The following SAMD10 variants were observed in gnomAD, a reference collection of about 807,000 sequenced individuals.
The protein encoded by SAMD10 is sterile alpha motif domain containing 10, also known as sterile alpha motif domain-containing protein 10.
SAMD10 carries 16 observed loss-of-function variants against 22.5 expected under a neutral mutation model. The ratio of observed to expected loss-of-function variants is 0.71; its 90% CI spans 0.48 to 1.08. The LOEUF (loss-of-function observed/expected upper bound fraction) is 1.08. Ranked by LOEUF, SAMD10 falls within the 50% of genes least tolerant of loss-of-function variation. SAMD10 has a pLI of 0.00. For missense variants in SAMD10, 227 were observed against 281.3 expected, an observed-to-expected ratio of 0.81 and a Z score of 1.38; for synonymous variants, 118 against 122.2, an observed-to-expected ratio of 0.97 and a Z score of 0.23.
Position 63,977,857 on chromosome 20 carries a change from T to C in SAMD10, c.92-451A>G, listed in dbSNP as rs188340944. Among the ~76,000 whole-genome samples the C allele has an allele frequency of 6.6e-6, 1 of 152,350 alleles. No homozygotes were observed. The highest frequency in any genetic ancestry group is 2.4e-5 in the African/African-American group (1 of 41,582). On this transcript the variant is annotated intron_variant, in intron 1 of 4. Coordinates refer to ENST00000369886, the MANE Select transcript of SAMD10 (RefSeq NM_080621.5). The surrounding 1 kb of genome is among the most constrained non-coding windows in gnomAD (Gnocchi z 5.4). ...AGATCCCGAGTCCGGGGAGGTCGTC[T>C]GTGCTGGGGAAACCGGGCTGAGGAT...
chr20:63,975,322 G>A lies in SAMD10; in HGVS notation c.*188C>T. 1.5e-6 allele frequency: 1 copy of A among 647,342 alleles called. No individual in the cohort carries two copies. The highest frequency in any genetic ancestry group is 2.6e-6 in the Non-Finnish European group (1 of 388,152). The allele number at this position is 647,342 out of a possible 1,614,324, so 40.1% of individuals were successfully genotyped here. A position where few individuals can be genotyped will look rare whatever the true frequency, so the allele number is the denominator to read the frequency against. The stretch of plus-strand genomic sequence containing the variant: ...CAGCCCCCTACCCACCCAGCCCCAG[G>A]GCACGACCTGGAATGTCCAACCAGA... On this transcript the variant is annotated 3_prime_UTR_variant, in exon 5 of 5. Transcript: ENST00000369886.
chr20:63,976,485 G>A (rs1027368164), intron 3 of SAMD10, among the ~76,000 whole-genome samples: 25 of 151,094 alleles, frequency 1.7e-4, no homozygotes, highest in African/African-American at 5.4e-4. Flanking sequence ...AGAGAGGTCC[G>A]GACGCAGTGG....
Position 63,975,321 on chromosome 20 carries a change from G to C in SAMD10, c.*189C>G. On this transcript the variant is annotated 3_prime_UTR_variant, in exon 5 of 5. Coordinates refer to ENST00000369886, the MANE Select transcript of SAMD10 (RefSeq NM_080621.5). The stretch of plus-strand genomic sequence containing the variant: ...GCAGCCCCCTACCCACCCAGCCCCA[G>C]GGCACGACCTGGAATGTCCAACCAG... 1.6e-6 allele frequency: 1 copy of C among 626,282 alleles called. No individual in the cohort carries two copies. The highest frequency in any genetic ancestry group is 2.7e-6 in the Non-Finnish European group (1 of 373,746). 38.8% of individuals were successfully genotyped at this position (626,282 alleles called of 1,614,324 possible).
intron 1 of SAMD10, among the ~76,000 whole-genome samples, chr20:63,978,543 G>A (rs1197537618): frequency 6.6e-6 from 1 of 152,186 alleles, no homozygotes; most frequent in African/African-American, 2.4e-5. Flanking sequence ...AGGGGTTGGG[G>A]ATGTGTCTAG....
rs2059007503 is a variant in SAMD10 at position 63,974,421 on chromosome 20, G to A, written c.*1089C>T. 6.5e-6 allele frequency: 1 copy of A among 152,758 alleles called. No homozygotes were observed. The highest frequency in any genetic ancestry group is 2.4e-5 in the African/African-American group (1 of 41,474). The allele number at this position is 152,758 out of a possible 1,614,324, so 9.5% of individuals were successfully genotyped here. The stretch of plus-strand genomic sequence containing the variant: ...TGCAGTGACCAGCCTCGAGTCTGGA[G>A]GCTCAAAGCACACAGAGGGGACTAG... On this transcript the variant is annotated 3_prime_UTR_variant, in exon 5 of 5. Transcript: ENST00000369886.
rs994272246 is a variant in SAMD10, at chr20:63,977,744, C to T, written c.92-338G>A. On this transcript the variant is annotated intron_variant, in intron 1 of 4. Coordinates refer to ENST00000369886, the MANE Select transcript of SAMD10 (RefSeq NM_080621.5). The surrounding 1 kb of genome is among the most constrained non-coding windows in gnomAD (Gnocchi z 5.4). ...AGGAGCTATCCTGGGACAGCCCTGACCTCACCCTTGCCTTGGGCTGGCCCA... is the reference window on the plus strand; with the variant it reads ...AGGAGCTATCCTGGGACAGCCCTGATCTCACCCTTGCCTTGGGCTGGCCCA... Among the ~76,000 whole-genome samples, 1 of 152,226 alleles carries T rather than the reference C, an allele frequency of 6.6e-6. No individual in the cohort carries two copies. The highest frequency in any genetic ancestry group is 2.4e-5 in the African/African-American group (1 of 41,456).
Position 63,977,815 on chromosome 20 carries a change from C to G in SAMD10, c.92-409G>C, listed in dbSNP as rs2059035455. 6.6e-6 allele frequency among the ~76,000 whole-genome samples: 1 copy of G among 152,254 alleles called. No homozygotes were observed. ...CCAGACCAGGAAGTGCACACACGGCCTGCTTTGAGGAAAGGCAGATCCCGA... is the reference window on the plus strand; with the variant it reads ...CCAGACCAGGAAGTGCACACACGGCGTGCTTTGAGGAAAGGCAGATCCCGA... On this transcript the variant is annotated intron_variant, in intron 1 of 4. Transcript: ENST00000369886. The surrounding 1 kb of genome is among the most constrained non-coding windows in gnomAD (Gnocchi z 5.4).
Position 63,979,532 on chromosome 20 carries a change from G to A in SAMD10, c.-65C>T. ...CGAGTGCAGGGCGGCCGGTGTGGCC[G>A]GCGGGGAACGCGCGCCGCCGCCCCG... On this transcript the variant is annotated 5_prime_UTR_variant, in exon 1 of 5. Coordinates refer to ENST00000369886, the MANE Select transcript of SAMD10 (RefSeq NM_080621.5). This position sits in a 1 kb window ranked among gnomAD's most constrained non-coding sequence, Gnocchi z 7.7. The A allele has an allele frequency of 9.5e-7, 1 of 1,055,400 alleles. No homozygotes were observed. Among genetic ancestry groups the A allele is most frequent in the Non-Finnish European group, 1.1e-6 (1 of 875,978 alleles). 65.4% of individuals were successfully genotyped at this position (1,055,400 alleles called of 1,614,324 possible).
At chr20:63,978,662 C>T (rs1315491118) in intron 1 of SAMD10, among the ~76,000 whole-genome samples, 2 of 152,246 alleles carry the variant, frequency 1.3e-5, no homozygotes, top group Non-Finnish European at 1.5e-5. Flanking sequence ...TTTCAGGAAC[C>T]GGACCCCTGG....
At chr20:63,978,075 G>A (rs1345744820) in intron 1 of SAMD10, among the ~76,000 whole-genome samples, 4 of 152,380 alleles carry the variant, frequency 2.6e-5, no homozygotes, top group South Asian at 2.1e-4. Flanking sequence ...GGACAACACC[G>A]GCCATGTGAA....
chr20:63,975,487 C>T lies in SAMD10; in HGVS notation c.*23G>A, dbSNP rs781063658. On this transcript the variant is annotated 3_prime_UTR_variant, in exon 5 of 5. Transcript: ENST00000369886. ...TGGACTCCCATCACAGTGCTGGGGTCTGGGTTCAAGCCTCAGCAGCAGCTA... is the reference window on the plus strand; with the variant it reads ...TGGACTCCCATCACAGTGCTGGGGTTTGGGTTCAAGCCTCAGCAGCAGCTA... 54 of 1,611,268 alleles carry T rather than the reference C, an allele frequency of 3.4e-5. No homozygotes were observed. The highest frequency in any genetic ancestry group is 6.8e-5 in the Admixed American group (4 of 59,038).
rs2059050489 is a variant in SAMD10, at chr20:63,979,604, G to A, written c.-137C>T. On this transcript the variant is annotated 5_prime_UTR_variant, in exon 1 of 5. Transcript: ENST00000369886. This position sits in a 1 kb window ranked among gnomAD's most constrained non-coding sequence, Gnocchi z 7.7. ...GCCCGAGCCGGTCCCCGCGGCCCGC[G>A]AGTGTGCGCGACGAGGCACCTGCCG... is the stretch of plus-strand genomic sequence containing the variant. 2.0e-6 allele frequency: 2 copies of A among 984,442 alleles called. No homozygotes were observed. The highest frequency in any genetic ancestry group is 1.1e-4 in the East Asian group (1 of 8,798). 61.0% of individuals were successfully genotyped at this position (984,442 alleles called of 1,614,324 possible).
rs60461303 is a variant in SAMD10, at chr20:63,976,764, C to CAAAAA, written c.445+202_445+206dup. 1.4e-3 allele frequency among the ~76,000 whole-genome samples: 89 copies of CAAAAA among 63,934 alleles called. 5 individuals carry two copies. Among genetic ancestry groups the CAAAAA allele is most frequent in the African/African-American group, 5.3e-3 (79 of 14,942 alleles). The allele number at this position is 63,934 out of a possible 152,430, so 41.9% of individuals were successfully genotyped here. ...CAACAGGAGTAAATCTCTGTCTCAC[C>CAAAAA]AAAAAAAAAAAAAAAAAAAAAAAAA... On this transcript the variant is annotated intron_variant, in intron 3 of 4. Coordinates refer to ENST00000369886, the MANE Select transcript of SAMD10 (RefSeq NM_080621.5).
At position 63,975,460 on chromosome 20, in the gene SAMD10, C is replaced by T. The variant is rs372297393; in HGVS notation, c.*50G>A. On this transcript the variant is annotated 3_prime_UTR_variant, in exon 5 of 5. Transcript: ENST00000369886. ...GGGCCAGCTTGGCCTCCTCCCTAGC[C>T]GTGGACTCCCATCACAGTGCTGGGG... The T allele has an allele frequency of 3.2e-5, 52 of 1,610,374 alleles. No individual in the cohort carries two copies. The highest frequency in any genetic ancestry group is 4.5e-5 in the East Asian group (2 of 44,780).
rs1052514013 is a variant in SAMD10, at chr20:63,974,143, T to G, written c.*1367A>C. ...TTGGGAACCAGCTTTATTTCTGATT[T>G]TTTTTTTTTGTCAGAGTATAAAAAA... On this transcript the variant is annotated 3_prime_UTR_variant, in exon 5 of 5. Coordinates refer to ENST00000369886, the MANE Select transcript of SAMD10 (RefSeq NM_080621.5). 1.3e-5 allele frequency: 2 copies of G among 152,148 alleles called. No individual in the cohort carries two copies. Among genetic ancestry groups the G allele is most frequent in the African/African-American group, 2.4e-5 (1 of 41,440 alleles). The allele number at this position is 152,148 out of a possible 1,614,324, so 9.4% of individuals were successfully genotyped here. A position where few individuals can be genotyped will look rare whatever the true frequency, so the allele number is the denominator to read the frequency against.
rs370063493 is a variant in SAMD10, at chr20:63,975,461, G to A, written c.*49C>T. On this transcript the variant is annotated 3_prime_UTR_variant, in exon 5 of 5. Transcript: ENST00000369886. ...GGCCAGCTTGGCCTCCTCCCTAGCC[G>A]TGGACTCCCATCACAGTGCTGGGGT... 13 of 1,609,330 alleles carry A rather than the reference G, an allele frequency of 8.1e-6. No homozygotes were observed. The Middle Eastern group carries it at 1.2e-3, about 143-fold the overall frequency.
Position 63,977,740 on chromosome 20 carries a change from C to G in SAMD10, c.92-334G>C, listed in dbSNP as rs961817153. Among the ~76,000 whole-genome samples the G allele has an allele frequency of 6.6e-6, 1 of 152,254 alleles. No homozygotes were observed. The highest frequency in any genetic ancestry group is 1.5e-5 in the Non-Finnish European group (1 of 68,040). On this transcript the variant is annotated intron_variant, in intron 1 of 4. Coordinates refer to ENST00000369886, the MANE Select transcript of SAMD10 (RefSeq NM_080621.5). This position sits in a 1 kb window ranked among gnomAD's most constrained non-coding sequence, Gnocchi z 5.4. Reference sequence around the variant, plus strand: ...CAAGAGGAGCTATCCTGGGACAGCCCTGACCTCACCCTTGCCTTGGGCTGG... The same window carrying G: ...CAAGAGGAGCTATCCTGGGACAGCCGTGACCTCACCCTTGCCTTGGGCTGG...
In SAMD10 at chr20:63,975,189, G is replaced by C; in HGVS notation, c.*321C>G. ...AATAAACAGACTCCCTGGGAGTCTA[G>C]GGGGGACATCCAAACCGGTTCTGGC... On this transcript the variant is annotated 3_prime_UTR_variant, in exon 5 of 5. Coordinates refer to ENST00000369886, the MANE Select transcript of SAMD10 (RefSeq NM_080621.5). 1 of 451,692 alleles carries C rather than the reference G, an allele frequency of 2.2e-6. No individual in the cohort carries two copies. Among genetic ancestry groups the C allele is most frequent in the Non-Finnish European group, 3.9e-6 (1 of 253,806 alleles). 28.0% of individuals were successfully genotyped at this position (451,692 alleles called of 1,614,324 possible). A position where few individuals can be genotyped will look rare whatever the true frequency, so the allele number is the denominator to read the frequency against.
Position 63,977,307 on chromosome 20 carries a change from G to A in SAMD10, c.191C>T (p.Thr64Met), listed in dbSNP as rs755869051. The change falls in exon 2 of 5, where the codon ACG (threonine) becomes ATG (methionine). Residue 64 changes from threonine to methionine, a missense_variant. Transcript: ENST00000369886. The surrounding 1 kb of genome is among the most constrained non-coding windows in gnomAD (Gnocchi z 5.4). The stretch of plus-strand genomic sequence containing the variant: ...CCTCTGGCTGCGGGAGTCATGCCAC[G>A]TGAGGCTGGTGCCAGGTGTCCGAGG... ...HLPRTPGTSL[T>M]WHDSRSQRAA... 1.5e-5 allele frequency: 24 copies of A among 1,613,422 alleles called. No individual in the cohort carries two copies. The highest frequency in any genetic ancestry group is 1.8e-5 in the Non-Finnish European group (21 of 1,180,044).
Sources: gnomAD v4.1 joint callset for allele counts (sites outside exome capture counted in the v4.1 genomes callset) on GRCh38, gnomAD v4.1.1 for gene constraint, Gnocchi (gnomAD v3.1) non-coding constraint, MANE v1.5 for transcripts, NCBI Gene and HGNC (gene_info 2026-07-23, HGNC 2026-07-21) for gene names.